GABARAPL2: variants seen among roughly 807,000 people sequenced by gnomAD.
The protein encoded by GABARAPL2 is gamma-aminobutyric acid receptor-associated protein-like 2.
Under a neutral mutation model 16.9 loss-of-function variants are expected in GABARAPL2, and 11 were observed. The observed-to-expected ratio is 0.65, with a 90% CI of 0.41 to 1.08. GABARAPL2 has a LOEUF of 1.08. Among genes scored for constraint, GABARAPL2 ranks in the 50% least tolerant of loss-of-function variants. GABARAPL2 has a pLI of 0.00. For synonymous variants in GABARAPL2, 57 were observed against 50.7 expected (o/e 1.12, Z -0.53); for missense variants, 134 against 142.5 (o/e 0.94, Z 0.30).
intron 1 of GABARAPL2, 165 bp from the exon 2 acceptor site, chr16:75,566,687 C>T (rs1363781705): frequency 2.1e-6 from 2 of 958,428 alleles, no homozygotes; most frequent in African/African-American, 3.2e-5. Flanking sequence ...CCCCATGTCA[C>T]CCTCCGCGGG....
intron 3 of GABARAPL2, among the ~76,000 whole-genome samples, chr16:75,569,768 T>C (rs1430575770): frequency 6.6e-6 from 1 of 152,202 alleles, no homozygotes; most frequent in Admixed American, 6.5e-5. Flanking sequence ...ACAGGTCTTA[T>C]CAACTTCCCC....
In GABARAPL2 at chr16:75,577,413, T is replaced by G. The variant is rs531883459; in HGVS notation, c.*44T>G. 6 of 1,127,016 alleles carry G rather than the reference T, an allele frequency of 5.3e-6. No homozygotes were observed. The South Asian group carries it at 6.1e-5, about 12-fold the overall frequency. The allele number at this position is 1,127,016 out of a possible 1,614,324, so 69.8% of individuals were successfully genotyped here. On this transcript the variant is annotated 3_prime_UTR_variant, in exon 4 of 4. Coordinates refer to ENST00000037243, the MANE Select transcript of GABARAPL2 (RefSeq NM_007285.7). ...GTGCACCGTAACTGCTTGTGTATCT[T>G]GTAAATAGCCAGCCATTTTCAGTTA... is the stretch of plus-strand genomic sequence containing the variant.
intron 3 of GABARAPL2, among the ~76,000 whole-genome samples, chr16:75,575,432 A>G (rs1461756014): frequency 6.6e-6 from 1 of 151,932 alleles, no homozygotes; most frequent in Non-Finnish European, 1.5e-5. Flanking sequence ...AGTAGCTGGG[A>G]TGACAGGCGT....
At chr16:75,569,136 C>T (rs1441637476) in intron 3 of GABARAPL2, among the ~76,000 whole-genome samples, 3 of 152,208 alleles carry the variant, frequency 2.0e-5, no homozygotes, top group Non-Finnish European at 4.4e-5. Flanking sequence ...TGTTGAAAAT[C>T]CTTGAAGACT....
At chr16:75,574,926 G>C (rs1209616629) in intron 3 of GABARAPL2, among the ~76,000 whole-genome samples, 1 of 152,012 alleles carries the variant, frequency 6.6e-6, no homozygotes, top group Admixed American at 6.6e-5. Flanking sequence ...CCAGCTACTT[G>C]GGAGGCTAAG....
intron 1 of GABARAPL2, 46 bp from the exon 2 acceptor site, chr16:75,566,806 A>G (rs2080886125): frequency 6.4e-7 from 1 of 1,570,650 alleles, no homozygotes; most frequent in Non-Finnish European, 8.7e-7. Flanking sequence ...CCGGGAACCG[A>G]CCGGTGGGCA....
chr16:75,568,022 T>G lies in GABARAPL2; in HGVS notation c.91-15T>G. The G allele has an allele frequency of 1.3e-6, 2 of 1,592,294 alleles. No homozygotes were observed. Among genetic ancestry groups the G allele is most frequent in the Non-Finnish European group, 1.7e-6 (2 of 1,163,014 alleles). On this transcript the variant is annotated splice_polypyrimidine_tract_variant and intron_variant, in intron 2 of 3. Coordinates refer to ENST00000037243, the MANE Select transcript of GABARAPL2 (RefSeq NM_007285.7). The stretch of plus-strand genomic sequence containing the variant: ...CTTTAGGAAACACAGTCCTGACCTC[T>G]CTTTACTTTCCCAGGTGATTGTGGA...
At chr16:75,572,539 A>T (rs1046037415) in intron 3 of GABARAPL2, 1 of 152,212 alleles carries the variant, frequency 6.6e-6, no homozygotes, top group African/African-American at 2.4e-5. Flanking sequence ...GGTAGCATAA[A>T]CTGATGTCTG....
chr16:75,573,640 A>G (rs750042250), intron 3 of GABARAPL2, among the ~76,000 whole-genome samples: 4 of 152,268 alleles, frequency 2.6e-5, no homozygotes, highest in Non-Finnish European at 5.9e-5. Context: ...CATGTGATGC[A>G]GAGACTGGCA....
chr16:75,574,236 GCT>G (rs2080933629), intron 3 of GABARAPL2, among the ~76,000 whole-genome samples: 1 of 152,154 alleles, frequency 6.6e-6, no homozygotes, highest in Admixed American at 6.5e-5. Context: ...TGTTTACGAA[GCT>G]CTTCAAATGT....
At chr16:75,571,206 G>T (rs1254312467) in intron 3 of GABARAPL2, among the ~76,000 whole-genome samples, 2 of 152,152 alleles carry the variant, frequency 1.3e-5, no homozygotes, top group Non-Finnish European at 2.9e-5. Context: ...CACCAGGTTG[G>T]TCTCAAACTC....
At chr16:75,568,270 A>G in intron 3 of GABARAPL2, 61 bp downstream of exon 3, 3 of 1,246,024 alleles carry the variant, frequency 2.4e-6, no homozygotes, top group East Asian at 4.7e-5. Context: ...TGCTTACGGA[A>G]CTCCAAAACT....
intron 3 of GABARAPL2, among the ~76,000 whole-genome samples, chr16:75,573,925 A>G (rs1356871740): frequency 6.6e-6 from 1 of 152,246 alleles, no homozygotes; most frequent in Non-Finnish European, 1.5e-5. Context: ...TTTTGAGGAT[A>G]AAGAGTTAAT....
intron 3 of GABARAPL2, among the ~76,000 whole-genome samples, chr16:75,575,356 C>T (rs745960451): frequency 6.6e-6 from 1 of 151,884 alleles, no homozygotes; most frequent in Non-Finnish European, 1.5e-5. Flanking sequence ...AGTACAATGG[C>T]ACGATCTTGG....
chr16:75,574,115 G>A (rs2080932537), intron 3 of GABARAPL2, among the ~76,000 whole-genome samples: 2 of 152,178 alleles, frequency 1.3e-5, no homozygotes, highest in African/African-American at 4.8e-5. Context: ...TGGGCCTCCT[G>A]TCCTGCCAAG....
Position 75,566,420 on chromosome 16 carries a change from T to G in GABARAPL2, c.-67T>G. ...GCCGCTGCCGCTGCCGCCGTCGTTG[T>G]TGTTGTGCTCGGTGCGCTGAGCTCC... On this transcript the variant is annotated 5_prime_UTR_variant, in exon 1 of 4. Transcript: ENST00000037243. The G allele has an allele frequency of 5.1e-5, 61 of 1,185,912 alleles. No homozygotes were observed. Among genetic ancestry groups the G allele is most frequent in the Non-Finnish European group, 6.4e-5 (52 of 811,210 alleles). 73.5% of individuals were successfully genotyped at this position (1,185,912 alleles called of 1,614,324 possible).
chr16:75,567,506 C>G, intron 2 of GABARAPL2, among the ~76,000 whole-genome samples: 1 of 152,118 alleles, frequency 6.6e-6, no homozygotes, highest in East Asian at 1.9e-4. Context: ...TATTGTAGCT[C>G]TTTGCTTGTG....
intron 1 of GABARAPL2, 81 bp downstream of exon 1, chr16:75,566,601 C>G (rs2080884438): frequency 4.0e-6 from 6 of 1,495,176 alleles, no homozygotes; most frequent in Admixed American, 1.9e-5. Flanking sequence ...GGCCCTGGGC[C>G]GAGTGGAGCG....
At chr16:75,572,411 A>G (rs2080920782) in intron 3 of GABARAPL2, 1 of 152,366 alleles carries the variant, frequency 6.6e-6, no homozygotes, top group Non-Finnish European at 1.5e-5. Context: ...CCAATTCATG[A>G]GTCGGTGTAG....
Sources: gnomAD v4.1 joint callset for allele counts (sites outside exome capture counted in the v4.1 genomes callset) on GRCh38, gnomAD v4.1.1 for gene constraint, MANE v1.5 for transcripts, NCBI Gene and HGNC (gene_info 2026-07-23, HGNC 2026-07-21) for gene names.